PSMD2: variants seen among roughly 807,000 people sequenced by gnomAD.
The protein encoded by PSMD2 is 26S proteasome non-ATPase regulatory subunit 2.
A neutral mutation model predicts 101.5 loss-of-function variants in PSMD2; 8 were observed. The ratio of observed to expected loss-of-function variants is 0.08; its 90% CI spans 0.05 to 0.14. The LOEUF (loss-of-function observed/expected upper bound fraction) is 0.14, where lower values mean the gene tolerates loss of function less well. Among genes scored for constraint, PSMD2 ranks in the 10% least tolerant of loss-of-function variants. The pLI, the probability that PSMD2 is intolerant of heterozygous loss-of-function variation, is 1.00. For missense variants in PSMD2, 784 were observed against 1,147.4 expected (o/e 0.68, Z 4.58); for synonymous variants, 418 against 433.8 (o/e 0.96, Z 0.45).
chr3:184,306,802 G>A lies in PSMD2; in HGVS notation c.2002G>A (p.Ala668Thr). The stretch of plus-strand genomic sequence containing the variant: ...TATTGCTATGGGGGAGGAGATTGGT[G>A]CAGAGATGGCATTACGAACCTTTGG... ...ALIAMGEEIG[A>T]EMALRTFGHL... is the part of the protein sequence containing the mutation. The change falls in exon 16 of 21, where the codon GCA becomes ACA. Residue 668 changes from alanine to threonine, a missense_variant. This residue lies in a region of PSMD2 where 282 missense variants were observed against 437.6 expected (regional missense o/e 0.64). Coordinates refer to ENST00000310118, the MANE Select transcript of PSMD2 (RefSeq NM_002808.5). The A allele has an allele frequency of 1.9e-6, 3 of 1,614,054 alleles. No individual in the cohort carries two copies. Among genetic ancestry groups the A allele is most frequent in the Non-Finnish European group, 2.5e-6 (3 of 1,180,014 alleles).
In PSMD2 at chr3:184,308,356, G is replaced by T. The variant is rs537408145; in HGVS notation, c.2426-93G>T. ...TGTGGATTCAGTCGTATGACTGACGGGTTAAAGGGTCAGCGCTGAGGTGGG... is the reference window on the plus strand; with the variant it reads ...TGTGGATTCAGTCGTATGACTGACGTGTTAAAGGGTCAGCGCTGAGGTGGG... On this transcript the variant is annotated intron_variant, in intron 19 of 20. Transcript: ENST00000310118. The surrounding 1 kb of genome is among the most constrained non-coding windows in gnomAD (Gnocchi z 6.0). 2.7e-4 allele frequency: 280 copies of T among 1,038,400 alleles called. 1 individual carries two copies. In the African/African-American group the frequency reaches 4.1e-3, roughly 15 times the overall value. 64.3% of individuals were successfully genotyped at this position (1,038,400 alleles called of 1,614,324 possible). A position where few individuals can be genotyped will look rare whatever the true frequency, so the allele number is the denominator to read the frequency against.
At position 184,303,921 on chromosome 3, in the gene PSMD2, G is replaced by C. The variant is rs749645593; in HGVS notation, c.1324-26G>C. ...CGGTGAGGAAGATAGAGTATCCTGA[G>C]TGAAGAATCTGTTTGCTCTTTGTAG... On this transcript the variant is annotated intron_variant, in intron 10 of 20. Transcript: ENST00000310118. 1.9e-6 allele frequency: 3 copies of C among 1,614,236 alleles called. No individual in the cohort carries two copies. The Admixed American group carries it at 5.0e-5, about 27-fold the overall frequency.
At chr3:184,299,784 G>A in intron 1 of PSMD2, 67 bp from the exon 2 acceptor site, 6 of 1,341,088 alleles carry the variant, frequency 4.5e-6, no homozygotes, top group Non-Finnish European at 6.4e-6. Flanking sequence ...CACCTGCCCC[G>A]GGTAAGTGGG....
Position 184,304,247 on chromosome 3 carries a change from T to G in PSMD2, c.1452-57T>G, listed in dbSNP as rs1463246086. 1.3e-6 allele frequency: 2 copies of G among 1,580,258 alleles called. No homozygotes were observed. The highest frequency in any genetic ancestry group is 1.7e-6 in the Non-Finnish European group (2 of 1,149,286). Reference sequence around the variant, plus strand: ...TGAATGACCGATTCTCCTTTTGTTCTTTTCTTGCTGCATCGTTGGGTATGT... The same window carrying G: ...TGAATGACCGATTCTCCTTTTGTTCGTTTCTTGCTGCATCGTTGGGTATGT... On this transcript the variant is annotated intron_variant, in intron 11 of 20. Coordinates refer to ENST00000310118, the MANE Select transcript of PSMD2 (RefSeq NM_002808.5). This position sits in a 1 kb window ranked among gnomAD's most constrained non-coding sequence, Gnocchi z 4.1.
chr3:184,308,160 C>T lies in PSMD2; in HGVS notation c.2425+144C>T. 8.8e-7 allele frequency: 1 copy of T among 1,136,446 alleles called. No individual in the cohort carries two copies. The highest frequency in any genetic ancestry group is 1.6e-5 in the South Asian group (1 of 63,902). The allele number at this position is 1,136,446 out of a possible 1,614,324, so 70.4% of individuals were successfully genotyped here. A position where few individuals can be genotyped will look rare whatever the true frequency, so the allele number is the denominator to read the frequency against. On this transcript the variant is annotated intron_variant, in intron 19 of 20. Transcript: ENST00000310118. The surrounding 1 kb of genome is among the most constrained non-coding windows in gnomAD (Gnocchi z 6.0). ...TCTGAGACAGGCTTTGGGCCTGTGA[C>T]ATGAGACTTTCATCACCCACACTTT...
intron 8 of PSMD2, 98 bp from the exon 9 acceptor site, chr3:184,303,222 G>A (rs1721708811): frequency 6.6e-7 from 1 of 1,522,672 alleles, no homozygotes; most frequent in South Asian, 1.2e-5. Flanking sequence ...GGATACTAAG[G>A]GACTAGCTCA....
chr3:184,306,345 C>T lies in PSMD2; in HGVS notation c.1805-5C>T, dbSNP rs74941227. ...TGTCCATTCTCCCTCACCACCCTGA[C>T]GCAGGCTCTGGGAATGTGCTGAAGG... On this transcript the variant is annotated splice_region_variant and splice_polypyrimidine_tract_variant and intron_variant, in intron 14 of 20. Transcript: ENST00000310118. 6.4e-3 allele frequency: 10,341 copies of T among 1,612,886 alleles called. 576 individuals carry two copies. The African/African-American group carries it at 0.12, about 19-fold the overall frequency.
In PSMD2 at chr3:184,304,309, G is replaced by A; in HGVS notation, c.1457G>A (p.Gly486Asp). 1 of 1,614,198 alleles carries A rather than the reference G, an allele frequency of 6.2e-7. No individual in the cohort carries two copies. The highest frequency in any genetic ancestry group is 8.5e-7 in the Non-Finnish European group (1 of 1,180,040). ...TMRLGSIFGL[G>D]LAYAGSNRED... is the part of the protein sequence containing the mutation. ...CCTTTCCATGGCTTTTGCAGGCTAG[G>A]CTTGGCTTATGCTGGCTCAAATCGT... Residue 486 changes from glycine (G) to aspartate (D), a missense_variant, in exon 12 of 21, where the codon GGC becomes GAC. Around this residue, in one of 6 missense-constraint regions of PSMD2, gnomAD observed 282 missense variants for 437.6 expected, o/e 0.64. Transcript: ENST00000310118. The surrounding 1 kb of genome is among the most constrained non-coding windows in gnomAD (Gnocchi z 4.1).
At chr3:184,302,154 A>C (rs1486784153) in intron 5 of PSMD2, 83 bp downstream of exon 5, 1 of 1,441,742 alleles carries the variant, frequency 6.9e-7, no homozygotes, top group African/African-American at 1.4e-5. Context: ...ATTTTCCCAG[A>C]GCATTTGCTC....
intron 2 of PSMD2, 89 bp downstream of exon 2, chr3:184,299,996 G>C (rs535429065): frequency 1.6e-6 from 2 of 1,215,468 alleles, no homozygotes; most frequent in Admixed American, 1.7e-5. Context: ...ATGTACGGTG[G>C]ACTGTATTTT....
intron 10 of PSMD2, 45 bp from the exon 11 acceptor site, chr3:184,303,902 G>A (rs781350277): frequency 1.9e-6 from 3 of 1,614,014 alleles, no homozygotes; most frequent in South Asian, 2.2e-5. Flanking sequence ...TTTGCGGTGA[G>A]GAAGATAGAG....
In PSMD2 at chr3:184,303,889, TC is replaced by T. The variant is rs1721735432; in HGVS notation, c.1324-56del. The T allele has an allele frequency of 2.5e-5, 40 of 1,613,310 alleles. 2 individuals are homozygous for T. In the South Asian group the frequency reaches 4.3e-4, roughly 17 times the overall value. On this transcript the variant is annotated intron_variant, in intron 10 of 20. Coordinates refer to ENST00000310118, the MANE Select transcript of PSMD2 (RefSeq NM_002808.5). ...GTGCTGCAGTGAGGCCCATGTTGCA[TC>T]CTTTGCGGTGAGGAAGATAGAGTAT...
chr3:184,300,704 T>C (rs1721613006), intron 3 of PSMD2: 24 of 1,168,714 alleles, frequency 2.1e-5, no homozygotes, highest in Non-Finnish European at 2.6e-5. Context: ...AACCTTGATT[T>C]TTCTCTTTTC....
rs567146749 is a variant in PSMD2 at position 184,308,355 on chromosome 3, G to A, written c.2426-94G>A. 1.7e-5 allele frequency: 17 copies of A among 1,017,278 alleles called. No homozygotes were observed. In the Admixed American group the frequency reaches 2.4e-4, roughly 15 times the overall value. 63.0% of individuals were successfully genotyped at this position (1,017,278 alleles called of 1,614,324 possible). ...GTGTGGATTCAGTCGTATGACTGAC[G>A]GGTTAAAGGGTCAGCGCTGAGGTGG... On this transcript the variant is annotated intron_variant, in intron 19 of 20. Transcript: ENST00000310118. The surrounding 1 kb of genome is among the most constrained non-coding windows in gnomAD (Gnocchi z 6.0).
chr3:184,307,206 G>A (rs1721861894), intron 16 of PSMD2, 151 bp from the exon 17 acceptor site: 1 of 805,684 alleles, frequency 1.2e-6, no homozygotes, highest in Non-Finnish European at 1.9e-6. Flanking sequence ...GCCTCCCAAA[G>A]TGCTGGGATT....
Position 184,307,800 on chromosome 3 carries a change from G to A in PSMD2, c.2299-90G>A, listed in dbSNP as rs75176308. The A allele has an allele frequency of 9.3e-4, 1,494 of 1,605,666 alleles. 16 individuals carry two copies. The African/African-American group carries it at 0.018, about 19-fold the overall frequency. ...GGAGTGTTGGCCCAGGAGGAAAGAT[G>A]TGACCAAGTGGGAGATTTCTGTTTG... On this transcript the variant is annotated intron_variant, in intron 18 of 20. Coordinates refer to ENST00000310118, the MANE Select transcript of PSMD2 (RefSeq NM_002808.5).
intron 9 of PSMD2, 55 bp downstream of exon 9, chr3:184,303,521 C>G: frequency 1.2e-6 from 2 of 1,606,434 alleles, no homozygotes; most frequent in Non-Finnish European, 1.7e-6. Flanking sequence ...TTCTTTTGTC[C>G]TCTTGGAGTC....
chr3:184,309,037 A>G lies in PSMD2; in HGVS notation c.*147A>G. On this transcript the variant is annotated 3_prime_UTR_variant, in exon 21 of 21. Transcript: ENST00000310118. The stretch of plus-strand genomic sequence containing the variant: ...AGTGAGATAAGGTTGTTCAATAAAG[A>G]CTTTTATCCCCAAGGTCTCTCTGTG... 1 of 828,020 alleles carries G rather than the reference A, an allele frequency of 1.2e-6. No homozygotes were observed. Among genetic ancestry groups the G allele is most frequent in the Non-Finnish European group, 1.9e-6 (1 of 532,920 alleles). The allele number at this position is 828,020 out of a possible 1,614,324, so 51.3% of individuals were successfully genotyped here. A position where few individuals can be genotyped will look rare whatever the true frequency, so the allele number is the denominator to read the frequency against.
chr3:184,307,878 T>G lies in PSMD2; in HGVS notation c.2299-12T>G. On this transcript the variant is annotated splice_polypyrimidine_tract_variant and intron_variant, in intron 18 of 20. Coordinates refer to ENST00000310118, the MANE Select transcript of PSMD2 (RefSeq NM_002808.5). Reference sequence around the variant, plus strand: ...GTAACTCCTCACCTCTACTTCCCTCTGTTTTTTTCAGGGCCTGACACATTT... The same window carrying G: ...GTAACTCCTCACCTCTACTTCCCTCGGTTTTTTTCAGGGCCTGACACATTT... The G allele has an allele frequency of 1.2e-6, 2 of 1,613,674 alleles. No homozygotes were observed. Among genetic ancestry groups the G allele is most frequent in the Non-Finnish European group, 1.7e-6 (2 of 1,180,006 alleles).
Sources: gnomAD v4.1 joint callset for allele counts on GRCh38, gnomAD v4.1.1 for gene constraint, gnomAD v4.1.1 regional missense constraint, Gnocchi (gnomAD v3.1) non-coding constraint, MANE v1.5 for transcripts, NCBI Gene and HGNC (gene_info 2026-07-23, HGNC 2026-07-21) for gene names.